DMD: variants seen among roughly 807,000 people sequenced by gnomAD.
The protein encoded by DMD is dystrophin.
Under a neutral mutation model 330.1 loss-of-function variants are expected in DMD, and 63 were observed. That is an observed-to-expected ratio of 0.19 (90% CI 0.16 to 0.24). The LOEUF (loss-of-function observed/expected upper bound fraction) is 0.24. Among genes scored for constraint, DMD ranks in the 10% least tolerant of loss-of-function variants. The pLI, the probability that DMD is intolerant of heterozygous loss-of-function variation, is 1.00. For synonymous variants in DMD, 1,223 were observed against 959.8 expected (o/e 1.27, Z -5.07); for missense variants, 3,344 against 2,684.1 (o/e 1.25, Z -5.43).
intron 1 of DMD, among the ~76,000 whole-genome samples, chrX:33,262,215 A>G (rs1448519809): frequency 1.8e-5 from 2 of 111,753 alleles, no homozygotes; most frequent in Non-Finnish European, 3.8e-5. Flanking sequence ...CAGCTTAAGT[A>G]TCTGGATTGA....
chrX:32,644,932 GT>G, intron 10 of DMD, 31 bp downstream of exon 10: 1 of 1,192,780 alleles, frequency 8.4e-7, no homozygotes, highest in Non-Finnish European at 1.1e-6. Context: ...CAAGTCATAT[GT>G]TTTGTTTTGT....
At chrX:32,871,464 A>G (rs1289899206) in intron 2 of DMD, among the ~76,000 whole-genome samples, 1 of 111,051 alleles carries the variant, frequency 9.0e-6, no homozygotes, top group Admixed American at 9.6e-5. Flanking sequence ...GTACTTCCTC[A>G]AGCGTGCTAC....
In DMD at chrX:31,775,228, A is replaced by G. The variant is rs1002348493; in HGVS notation, c.7310-1036T>C. Among the ~76,000 whole-genome samples, 9 of 109,011 alleles carry G rather than the reference A, an allele frequency of 8.3e-5. No homozygotes were observed. In the South Asian group the frequency reaches 1.5e-3, roughly 18 times the overall value. 94.7% of individuals were successfully genotyped at this position (109,011 alleles called of 115,157 possible). A position where few individuals can be genotyped will look rare whatever the true frequency, so the allele number is the denominator to read the frequency against. On this transcript the variant is annotated intron_variant, in intron 50 of 78. Transcript: ENST00000357033. Reference sequence around the variant, plus strand: ...CAATGCCAGAAAGAGCAGCATAATCATCATCATCACAATAATATTATTACA... The same window carrying G: ...CAATGCCAGAAAGAGCAGCATAATCGTCATCATCACAATAATATTATTACA...
intron 1 of DMD, among the ~76,000 whole-genome samples, chrX:33,217,361 T>G (rs1448035749): frequency 9.0e-6 from 1 of 111,724 alleles, no homozygotes; most frequent in Non-Finnish European, 1.9e-5. Context: ...AACTATAGAT[T>G]AGTTTTGGAA....
chrX:31,262,079 C>T (rs191976603), intron 62 of DMD, among the ~76,000 whole-genome samples: 149 of 112,407 alleles, frequency 1.3e-3, no homozygotes, highest in African/African-American at 4.4e-3. Flanking sequence ...ATGGCCTTAG[C>T]GTATGTTTTG....
At chrX:31,386,018 C>T (rs1468515451) in intron 60 of DMD, among the ~76,000 whole-genome samples, 2 of 112,194 alleles carry the variant, frequency 1.8e-5, no homozygotes, top group Admixed American at 1.9e-4. Flanking sequence ...AAATGTGGCA[C>T]ATATACACCA....
At chrX:31,322,823 G>T (rs1439037441) in intron 62 of DMD, among the ~76,000 whole-genome samples, 1 of 112,048 alleles carries the variant, frequency 8.9e-6, no homozygotes, top group Non-Finnish European at 1.9e-5. Context: ...GGTTGGTATC[G>T]AGGACTATTT....
At chrX:31,823,756 T>C (rs1276979515) in intron 49 of DMD, among the ~76,000 whole-genome samples, 7 of 110,242 alleles carry the variant, frequency 6.3e-5, no homozygotes, top group African/African-American at 2.3e-4. Flanking sequence ...CATTTTTATG[T>C]AGAGACGGGG....
chrX:32,022,549 G>A (rs968753314), intron 44 of DMD, among the ~76,000 whole-genome samples: 1 of 112,285 alleles, frequency 8.9e-6, no homozygotes, highest in East Asian at 2.8e-4. Context: ...GAATTTTTAA[G>A]AGAAAAAGGG....
At chrX:32,193,431 C>T (rs1291852879) in intron 44 of DMD, among the ~76,000 whole-genome samples, 1 of 111,834 alleles carries the variant, frequency 8.9e-6, no homozygotes, top group Non-Finnish European at 1.9e-5. Context: ...TTCATTCTAA[C>T]ATACCTCTTA....
At chrX:32,587,545 G>C (rs1392440260) in intron 13 of DMD, among the ~76,000 whole-genome samples, 2 of 111,404 alleles carry the variant, frequency 1.8e-5, no homozygotes, top group Non-Finnish European at 3.8e-5. Context: ...TAAAGCTGAA[G>C]TTCTCTACAG....
At chrX:32,148,974 G>A (rs1028523920) in intron 44 of DMD, among the ~76,000 whole-genome samples, 6 of 111,743 alleles carry the variant, frequency 5.4e-5, no homozygotes, top group African/African-American at 1.9e-4. Context: ...CTTTGATGAG[G>A]TTACAATAAT....
chrX:32,971,022 C>A (rs376266082), intron 2 of DMD, among the ~76,000 whole-genome samples: 1 of 109,899 alleles, frequency 9.1e-6, no homozygotes, highest in Non-Finnish European at 1.9e-5. Flanking sequence ...AGTGCAGTGG[C>A]GCAATTTCGG....
At chrX:32,391,814 TA>T (rs1407517746) in intron 30 of DMD, among the ~76,000 whole-genome samples, 1 of 111,834 alleles carries the variant, frequency 8.9e-6, no homozygotes, top group Non-Finnish European at 1.9e-5. Context: ...GAGTTGATGT[TA>T]AAGTAGAACT....
intron 64 of DMD, among the ~76,000 whole-genome samples, chrX:31,212,176 GTA>G (rs780992147): frequency 0.059 from 4,645 of 78,751 alleles, 118 homozygotes; most frequent in African/African-American, 0.088. Context: ...ATGTGTGTGT[GTA>G]TGTGTGTGTG....
At chrX:32,143,694 C>CA (rs1569546709) in intron 44 of DMD, among the ~76,000 whole-genome samples, 1 of 107,010 alleles carries the variant, frequency 9.3e-6, no homozygotes, top group Non-Finnish European at 1.9e-5. Flanking sequence ...AGGCGCCCGC[C>CA]ACCACGCATG....
chrX:32,490,571 G>C (rs762590273), intron 20 of DMD, among the ~76,000 whole-genome samples: 4 of 111,205 alleles, frequency 3.6e-5, no homozygotes, highest in African/African-American at 6.5e-5. Context: ...AGGGAAAAAA[G>C]TGAAGTGGGG....
chrX:32,052,354 A>G (rs2096122910), intron 44 of DMD, among the ~76,000 whole-genome samples: 1 of 111,200 alleles, frequency 9.0e-6, no homozygotes, highest in Non-Finnish European at 1.9e-5. Context: ...GAAACACTTC[A>G]AAAAGTATAG....
At chrX:32,482,736 G>A (rs993896292) in intron 21 of DMD, among the ~76,000 whole-genome samples, 1 of 111,256 alleles carries the variant, frequency 9.0e-6, no homozygotes, top group African/African-American at 3.3e-5. Flanking sequence ...CTGAGGGTTA[G>A]GTAAAATGAT....
Sources: gnomAD v4.1 joint callset for allele counts (sites outside exome capture counted in the v4.1 genomes callset) on GRCh38, gnomAD v4.1.1 for gene constraint, MANE v1.5 for transcripts, NCBI Gene and HGNC (gene_info 2026-07-23, HGNC 2026-07-21) for gene names.